The following HS3ST5 variants were observed in gnomAD, a reference collection of about 807,000 sequenced individuals.
The protein encoded by HS3ST5 is heparan sulfate-glucosamine 3-sulfotransferase 5.
Under a neutral mutation model 25.4 loss-of-function variants are expected in HS3ST5, and 10 were observed. The ratio of observed to expected loss-of-function variants is 0.39; its 90% CI spans 0.24 to 0.67. HS3ST5 has a LOEUF of 0.67. Among genes scored for constraint, HS3ST5 ranks in the 30% least tolerant of loss-of-function variants. HS3ST5 has a pLI of 0.44. For missense variants in HS3ST5, 324 were observed against 420.7 expected, an observed-to-expected ratio of 0.77 and a Z score of 2.01; for synonymous variants, 170 against 162.4, an observed-to-expected ratio of 1.05 and a Z score of -0.36.
At chr6:114,280,387 A>G (rs1343845716) in intron 1 of HS3ST5, among the ~76,000 whole-genome samples, 2 of 151,954 alleles carry the variant, frequency 1.3e-5, no homozygotes, top group African/African-American at 2.4e-5. Context: ...AGCATCACAT[A>G]GCCTTTCAAC....
At chr6:114,325,078 C>T (rs1201519620) in intron 1 of HS3ST5, among the ~76,000 whole-genome samples, 1 of 152,174 alleles carries the variant, frequency 6.6e-6, no homozygotes, top group Admixed American at 6.5e-5. Flanking sequence ...TGAACATTGA[C>T]TGCATCAGTT....
intron 3 of HS3ST5, among the ~76,000 whole-genome samples, chr6:114,144,786 C>G (rs1313365403): frequency 6.6e-6 from 1 of 152,184 alleles, no homozygotes; most frequent in Non-Finnish European, 1.5e-5. Context: ...CTGTAAAAGG[C>G]TGAGTTGATA....
chr6:114,208,627 C>A (rs1381886894), intron 2 of HS3ST5, among the ~76,000 whole-genome samples: 2 of 152,140 alleles, frequency 1.3e-5, no homozygotes, highest in Admixed American at 6.5e-5. Flanking sequence ...GCCGTGTTGA[C>A]TCTGAATCTG....
intron 3 of HS3ST5, among the ~76,000 whole-genome samples, chr6:114,141,539 G>A (rs1247441905): frequency 2.0e-5 from 3 of 152,202 alleles, no homozygotes; most frequent in Non-Finnish European, 4.4e-5. Context: ...GTAGTGCTGA[G>A]AGTTTGTGAG....
At chr6:114,157,096 T>C (rs1157462056) in intron 3 of HS3ST5, among the ~76,000 whole-genome samples, 1 of 152,130 alleles carries the variant, frequency 6.6e-6, no homozygotes, top group Non-Finnish European at 1.5e-5. Context: ...TCACCTTCTC[T>C]TCCTTCTGCA....
intron 3 of HS3ST5, among the ~76,000 whole-genome samples, chr6:114,069,905 C>T (rs1203339140): frequency 2.6e-5 from 4 of 152,092 alleles, no homozygotes; most frequent in South Asian, 2.1e-4. Context: ...GATAAGTCCT[C>T]TAGTGGTGGT....
chr6:114,183,024 A>G (rs922999784), intron 2 of HS3ST5, among the ~76,000 whole-genome samples: 4 of 152,068 alleles, frequency 2.6e-5, no homozygotes, highest in African/African-American at 9.7e-5. Context: ...TGAGATTTAC[A>G]CCATTGGCTC....
chr6:114,331,893 C>G (rs1776412523), intron 1 of HS3ST5, among the ~76,000 whole-genome samples: 1 of 151,988 alleles, frequency 6.6e-6, no homozygotes, highest in Non-Finnish European at 1.5e-5. Context: ...AAAGAGAACT[C>G]AGACTTTTAA....
At chr6:114,251,995 A>C (rs1356919368) in intron 1 of HS3ST5, 1 of 152,226 alleles carries the variant, frequency 6.6e-6, no homozygotes, top group East Asian at 1.9e-4. Context: ...AGCACCTAGG[A>C]GGGTACCTCA....
At chr6:114,137,402 G>A (rs1777679144) in intron 3 of HS3ST5, among the ~76,000 whole-genome samples, 1 of 152,208 alleles carries the variant, frequency 6.6e-6, no homozygotes, top group South Asian at 2.1e-4. Flanking sequence ...AAGATCTTCT[G>A]TAGTCTCAGG....
intron 1 of HS3ST5, among the ~76,000 whole-genome samples, chr6:114,256,809 T>C (rs963773016): frequency 6.6e-5 from 10 of 152,214 alleles, no homozygotes; most frequent in African/African-American, 2.4e-4. Context: ...ATCTTTACAG[T>C]AGTGTCCCAC....
intron 3 of HS3ST5, among the ~76,000 whole-genome samples, chr6:114,147,933 C>T (rs1778251800): frequency 6.6e-6 from 1 of 152,000 alleles, no homozygotes; most frequent in Non-Finnish European, 1.5e-5. Context: ...ATCTCTGTTG[C>T]AGCATATATA....
chr6:114,193,851 C>A (rs1319821217), intron 2 of HS3ST5, among the ~76,000 whole-genome samples: 1 of 152,142 alleles, frequency 6.6e-6, no homozygotes. Context: ...CAGGTACTCT[C>A]TTCTACAAAT....
At chr6:114,337,005 A>C (rs1334309183) in intron 1 of HS3ST5, among the ~76,000 whole-genome samples, 2 of 152,210 alleles carry the variant, frequency 1.3e-5, no homozygotes, top group Admixed American at 1.3e-4. Flanking sequence ...TAAAAAGTAC[A>C]ATTACAGGCA....
intron 3 of HS3ST5, among the ~76,000 whole-genome samples, chr6:114,099,446 A>G (rs1775617519): frequency 6.6e-6 from 1 of 152,136 alleles, no homozygotes; most frequent in South Asian, 2.1e-4. Flanking sequence ...CCTAAGGTCT[A>G]TTTCAGATCA....
At chr6:114,129,739 C>T (rs1351899716) in intron 3 of HS3ST5, among the ~76,000 whole-genome samples, 2 of 152,144 alleles carry the variant, frequency 1.3e-5, no homozygotes, top group African/African-American at 2.4e-5. Flanking sequence ...TAATTGCAAT[C>T]GTGCAAAGAT....
chr6:114,187,036 A>T (rs1447821848), intron 2 of HS3ST5, among the ~76,000 whole-genome samples: 1 of 152,172 alleles, frequency 6.6e-6, no homozygotes, highest in Admixed American at 6.5e-5. Context: ...TACTGCTCAG[A>T]AAAAAAGATT....
intron 1 of HS3ST5, among the ~76,000 whole-genome samples, chr6:114,241,896 C>A (rs900836056): frequency 6.6e-6 from 1 of 152,176 alleles, no homozygotes; most frequent in African/African-American, 2.4e-5. Flanking sequence ...TATATAATGA[C>A]TATGCAATTT....
intron 3 of HS3ST5, among the ~76,000 whole-genome samples, chr6:114,135,903 C>G (rs908893381): frequency 6.6e-6 from 1 of 152,192 alleles, no homozygotes; most frequent in African/African-American, 2.4e-5. Context: ...GTTGCATCCC[C>G]CTTGTCTGCT....
Sources: allele counts gnomAD v4.1 joint callset (sites outside exome capture counted in the v4.1 genomes callset), GRCh38; gene constraint gnomAD v4.1.1; transcripts MANE v1.5; gene names NCBI Gene and HGNC (gene_info 2026-07-23, HGNC 2026-07-21).